The following DTNB variants were observed in gnomAD, a reference collection of about 807,000 sequenced individuals.
DTNB encodes the protein dystrobrevin beta.
In DTNB, 63 loss-of-function variants were observed where a neutral mutation model predicts 90.7. The ratio of observed to expected loss-of-function variants is 0.69; its 90% CI spans 0.57 to 0.86. The LOEUF (loss-of-function observed/expected upper bound fraction) is 0.86, where lower values mean the gene tolerates loss of function less well. Ranked by LOEUF, DTNB falls within the 40% of genes least tolerant of loss-of-function variation. The pLI, the probability that DTNB is intolerant of heterozygous loss-of-function variation, is 0.00. For missense variants in DTNB, 744 were observed against 807.1 expected, an observed-to-expected ratio of 0.92 and a Z score of 0.95; for synonymous variants, 277 against 286.7, an observed-to-expected ratio of 0.97 and a Z score of 0.34.
chr2:25,572,892 T>C (rs957589901), intron 8 of DTNB, among the ~76,000 whole-genome samples: 1 of 152,174 alleles, frequency 6.6e-6, no homozygotes, highest in African/African-American at 2.4e-5. Flanking sequence ...GGAGGCCATA[T>C]GAACAAGGTC....
At chr2:25,498,224 CT>C (rs2069471056) in intron 9 of DTNB, among the ~76,000 whole-genome samples, 1 of 152,154 alleles carries the variant, frequency 6.6e-6, no homozygotes, top group Non-Finnish European at 1.5e-5. Context: ...AAATGAAACC[CT>C]TACTAAATAC....
At position 25,596,086 on chromosome 2, in the gene DTNB, C is replaced by T. The variant is rs1368268639; in HGVS notation, c.603G>A (p.Gln201=). ...CTAGATTCTATAAAACTGTCCTTAC[C>T]TGCTGTGGAAAACAGGTGCGGACTG... The part of the protein sequence containing the change: ...EHSVRTCFPQ[Q]RKIMLNMFLD... The change falls in exon 6 of 21, where the codon CAG becomes CAA. Residue 201 remains glutamine (Q), a splice_region_variant and synonymous_variant. Coordinates refer to ENST00000406818, the MANE Select transcript of DTNB (RefSeq NM_021907.5). 1.2e-6 allele frequency: 2 copies of T among 1,601,788 alleles called. No individual in the cohort carries two copies. Among genetic ancestry groups the T allele is most frequent in the Non-Finnish European group, 1.7e-6 (2 of 1,175,980 alleles).
intron 12 of DTNB, among the ~76,000 whole-genome samples, chr2:25,447,529 G>C (rs2058605805): frequency 8.2e-6 from 1 of 122,688 alleles, no homozygotes; most frequent in Non-Finnish European, 1.6e-5. Context: ...TTTGAGACAA[G>C]AGTCTTGCTC....
chr2:25,634,029 T>G (rs1357823032), intron 3 of DTNB, among the ~76,000 whole-genome samples: 2 of 150,412 alleles, frequency 1.3e-5, no homozygotes, highest in East Asian at 4.0e-4. Context: ...CCACCCCGTC[T>G]GGGAAGTTAG....
intron 8 of DTNB, among the ~76,000 whole-genome samples, chr2:25,575,125 C>A (rs1035923056): frequency 6.6e-6 from 1 of 151,872 alleles, no homozygotes; most frequent in Non-Finnish European, 1.5e-5. Context: ...ATTCTCTTAG[C>A]CCCAACATCC....
chr2:25,416,164 C>A (rs1473389768), intron 16 of DTNB, among the ~76,000 whole-genome samples: 2 of 152,246 alleles, frequency 1.3e-5, no homozygotes, highest in East Asian at 3.9e-4. Flanking sequence ...CTGCAGAGAA[C>A]TGAATTTTTT....
intron 3 of DTNB, among the ~76,000 whole-genome samples, chr2:25,636,394 G>C: frequency 6.6e-6 from 1 of 152,088 alleles, no homozygotes; most frequent in East Asian, 1.9e-4. Context: ...AAAACCTTTA[G>C]AACAATGCAT....
intron 9 of DTNB, among the ~76,000 whole-genome samples, chr2:25,509,958 C>T (rs1346002671): frequency 6.6e-6 from 1 of 151,810 alleles, no homozygotes; most frequent in Non-Finnish European, 1.5e-5. Flanking sequence ...ACCATGTTGG[C>T]CAGCCTGGTC....
At chr2:25,458,041 G>C (rs912094616) in intron 10 of DTNB, among the ~76,000 whole-genome samples, 3 of 151,928 alleles carry the variant, frequency 2.0e-5, no homozygotes, top group African/African-American at 4.8e-5. Context: ...CACCATGTTG[G>C]CCAGGATGGT....
chr2:25,561,870 A>C (rs2058321246), intron 8 of DTNB, among the ~76,000 whole-genome samples: 1 of 152,234 alleles, frequency 6.6e-6, no homozygotes, highest in Middle Eastern at 3.2e-3. Flanking sequence ...ACCCAGTCTC[A>C]GGTATTCCTT....
At chr2:25,663,327 G>A (rs1242935662) in intron 1 of DTNB, among the ~76,000 whole-genome samples, 1 of 152,096 alleles carries the variant, frequency 6.6e-6, no homozygotes, top group African/African-American at 2.4e-5. Flanking sequence ...GGGCATTTGG[G>A]TTGGTTCCAA....
chr2:25,628,409 T>C (rs1042660603), intron 3 of DTNB, 25 bp from the exon 4 acceptor site: 2 of 1,596,792 alleles, frequency 1.3e-6, no homozygotes, highest in Non-Finnish European at 1.7e-6. Flanking sequence ...AAATAAACTG[T>C]CAACAATTTT....
chr2:25,568,746 G>A (rs1255696487), intron 8 of DTNB, among the ~76,000 whole-genome samples: 3 of 152,162 alleles, frequency 2.0e-5, no homozygotes, highest in Non-Finnish European at 2.9e-5. Context: ...AGATCACTGC[G>A]ACAATGTCTC....
At chr2:25,652,751 C>T in intron 1 of DTNB, 90 bp from the exon 2 acceptor site, 2 of 1,371,338 alleles carry the variant, frequency 1.5e-6, no homozygotes, top group Non-Finnish European at 2.0e-6. Context: ...GGACCGGAAA[C>T]CAAGTTGCAA....
At chr2:25,586,126 G>A (rs1201474846) in intron 6 of DTNB, among the ~76,000 whole-genome samples, 1 of 152,110 alleles carries the variant, frequency 6.6e-6, no homozygotes, top group Admixed American at 6.5e-5. Flanking sequence ...TGAAAACGAG[G>A]ATGCAAATAC....
intron 16 of DTNB, among the ~76,000 whole-genome samples, chr2:25,388,805 C>CGTGTGTGTGT (rs112323714): frequency 0.015 from 2,174 of 149,242 alleles, 46 homozygotes; most frequent in African/African-American, 0.039. Context: ...AAAGGACATA[C>CGTGTGTGTGT]GTGTGTGTGT....
At chr2:25,559,100 A>G (rs2057841324) in intron 8 of DTNB, among the ~76,000 whole-genome samples, 1 of 152,020 alleles carries the variant, frequency 6.6e-6, no homozygotes, top group Non-Finnish European at 1.5e-5. Context: ...TTCCAGCACG[A>G]CCTTTATATC....
chr2:25,508,524 A>T (rs1336091120), intron 9 of DTNB, among the ~76,000 whole-genome samples: 3 of 116,762 alleles, frequency 2.6e-5, no homozygotes, highest in African/African-American at 1.1e-4. Context: ...TTTGAGATGG[A>T]GTTTCGCTCT....
chr2:25,663,424 C>A (rs1253921418), intron 1 of DTNB, among the ~76,000 whole-genome samples: 1 of 152,188 alleles, frequency 6.6e-6, no homozygotes, highest in Non-Finnish European at 1.5e-5. Flanking sequence ...TGGGTATATA[C>A]CCAGTAATGG....
Sources: allele counts gnomAD v4.1 joint callset (sites outside exome capture counted in the v4.1 genomes callset), GRCh38; gene constraint gnomAD v4.1.1; transcripts MANE v1.5; gene names NCBI Gene and HGNC (gene_info 2026-07-23, HGNC 2026-07-21).